TRPM2: variants seen among roughly 807,000 people sequenced by gnomAD.
TRPM2 encodes the protein estrogen-responsive element-associated gene 1 protein.
TRPM2 carries 161 observed loss-of-function variants against 174.0 expected under a neutral mutation model. The ratio of observed to expected loss-of-function variants is 0.93; its 90% confidence interval spans 0.81 to 1.05. The LOEUF is 1.05. TRPM2 is among the 50% of genes least tolerant of loss of function. TRPM2 has a pLI of 0.00. For missense variants in TRPM2, 2,057 were observed against 2,038.0 expected (o/e 1.01, Z -0.18); for synonymous variants, 954 against 861.3 (o/e 1.11, Z -1.88).
intron 22 of TRPM2, among the ~76,000 whole-genome samples, chr21:44,419,641 G>GTAGTGGTGA (rs2050453395): frequency 7.1e-6 from 1 of 140,292 alleles, no homozygotes; most frequent in Non-Finnish European, 1.5e-5. Context: ...GATGGTGGTG[G>GTAGTGGTGA]TGTTGGTGAT....
intron 20 of TRPM2, 23 bp downstream of exon 20, chr21:44,414,097 C>A (rs371382865): frequency 1.7e-6 from 2 of 1,209,880 alleles, no homozygotes; most frequent in East Asian, 3.0e-5. Flanking sequence ...GTGGGGCTGG[C>A]GTGCAGGTGG....
At chr21:44,422,201 A>G (rs1308817459) in intron 22 of TRPM2, 2 of 1,499,494 alleles carry the variant, frequency 1.3e-6, no homozygotes, top group Admixed American at 2.2e-5. Context: ...TGGGAGGCGC[A>G]TGAGTGTGGG....
At chr21:44,418,620 C>T (rs927235631) in intron 22 of TRPM2, 65 bp downstream of exon 22, 3 of 1,590,218 alleles carry the variant, frequency 1.9e-6, no homozygotes, top group Middle Eastern at 1.7e-4. Flanking sequence ...GGTCCACAGG[C>T]ACCATGAGTA....
chr21:44,366,930 CA>C lies in TRPM2; in HGVS notation c.601del (p.Thr201GlnfsTer15). 1 of 1,583,664 alleles carries C rather than the reference CA, an allele frequency of 6.3e-7. No homozygotes were observed. The highest frequency in any genetic ancestry group is 8.6e-7 in the Non-Finnish European group (1 of 1,161,080). On this transcript the variant is annotated frameshift_variant, in exon 4 of 32. Transcript: ENST00000397928. LOFTEE classifies it high-confidence loss of function. The surrounding 1 kb of genome is among the most constrained non-coding windows in gnomAD (Gnocchi z 6.0). ...GAGGCCTGGTCAAGGTGGCTCAGAC[CA>C]CAGGTAACTCGGAGGCTGGAGGGAC... ...RRGLVKVAQTTGAWIITGGSH... is the reference protein window; with the variant it reads ...RRGLVKVAQTXGAWIITGGSH...
intron 5 of TRPM2, among the ~76,000 whole-genome samples, chr21:44,371,656 A>C (rs1043258693): frequency 2.0e-5 from 3 of 152,198 alleles, no homozygotes; most frequent in African/African-American, 7.2e-5. Flanking sequence ...TGATGCCTTC[A>C]TATCCAGATC....
At chr21:44,398,480 C>A (rs530806240) in intron 13 of TRPM2, among the ~76,000 whole-genome samples, 1 of 152,100 alleles carries the variant, frequency 6.6e-6, no homozygotes, top group Admixed American at 6.5e-5. Context: ...GGATTACAGG[C>A]GTGAACCACC....
At position 44,391,155 on chromosome 21, in the gene TRPM2, G is replaced by A; in HGVS notation, c.1441-117G>A. On this transcript the variant is annotated intron_variant, in intron 10 of 31. Coordinates refer to ENST00000397928, the MANE Select transcript of TRPM2 (RefSeq NM_003307.4). The surrounding 1 kb of genome is among the most constrained non-coding windows in gnomAD (Gnocchi z 5.0). ...CCCTTGAGGGTGGGTGACCTGGGCA[G>A]CTTTCATCCTCCCCAGGTTGGGGAC... The A allele has an allele frequency of 6.5e-7, 1 of 1,546,574 alleles. No individual in the cohort carries two copies. The highest frequency in any genetic ancestry group is 8.8e-7 in the Non-Finnish European group (1 of 1,137,780).
upstream of TRPM2, among the ~76,000 whole-genome samples, chr21:44,350,977 G>A (rs999497781): frequency 6.6e-6 from 1 of 152,192 alleles, no homozygotes; most frequent in African/African-American, 2.4e-5. Flanking sequence ...CGAAGCGCTG[G>A]CTTTCACGCG....
chr21:44,399,284 AT>A lies in TRPM2; in HGVS notation c.2063-11del, dbSNP rs765954827. 1 of 1,607,624 alleles carries A rather than the reference AT, an allele frequency of 6.2e-7. No homozygotes were observed. The highest frequency in any genetic ancestry group is 1.7e-5 in the Admixed American group (1 of 59,604). ...CCTGCTGCTCTGACGGGGCTCTCAT[AT>A]CTCCGCCCAGGGGTCTTCACCGAGT... On this transcript the variant is annotated splice_polypyrimidine_tract_variant and intron_variant, in intron 13 of 31. Transcript: ENST00000397928. The surrounding 1 kb of genome is among the most constrained non-coding windows in gnomAD (Gnocchi z 4.6).
intron 19 of TRPM2, among the ~76,000 whole-genome samples, chr21:44,412,276 T>C (rs954216105): frequency 6.6e-6 from 1 of 152,210 alleles, no homozygotes; most frequent in Non-Finnish European, 1.5e-5. Context: ...TCTTTATGTG[T>C]TATAGGTCTA....
At chr21:44,431,178 C>T (rs1478892656) in intron 27 of TRPM2, among the ~76,000 whole-genome samples, 2 of 151,980 alleles carry the variant, frequency 1.3e-5, no homozygotes, top group Non-Finnish European at 2.9e-5. Context: ...ATAAGGGTAC[C>T]TAAGACTGTA....
At chr21:44,370,130 G>C (rs1158911829) in intron 5 of TRPM2, among the ~76,000 whole-genome samples, 1 of 152,128 alleles carries the variant, frequency 6.6e-6, no homozygotes, top group African/African-American at 2.4e-5. Flanking sequence ...TCTCCCTCAA[G>C]GTTGTAAGAG....
At chr21:44,352,927 G>A (rs916470115), upstream of TRPM2, among the ~76,000 whole-genome samples, 2 of 152,232 alleles carry the variant, frequency 1.3e-5, no homozygotes, top group Non-Finnish European at 2.9e-5. Context: ...AGCGGAGGCT[G>A]GTGGATCGCC....
Position 44,391,733 on chromosome 21 carries a change from A to C in TRPM2, c.1794+108A>C. 4 of 1,089,814 alleles carry C rather than the reference A, an allele frequency of 3.7e-6. No individual in the cohort carries two copies. Among genetic ancestry groups the C allele is most frequent in the Non-Finnish European group, 1.3e-6 (1 of 784,992 alleles). The allele number at this position is 1,089,814 out of a possible 1,614,324, so 67.5% of individuals were successfully genotyped here. A position where few individuals can be genotyped will look rare whatever the true frequency, so the allele number is the denominator to read the frequency against. Reference sequence around the variant, plus strand: ...AGCTTTTATTTTTATTAGAAAAGACACATGCTCTATCTTAGGCTGCTTGGG... The same window carrying C: ...AGCTTTTATTTTTATTAGAAAAGACCCATGCTCTATCTTAGGCTGCTTGGG... On this transcript the variant is annotated intron_variant, in intron 11 of 31. Coordinates refer to ENST00000397928, the MANE Select transcript of TRPM2 (RefSeq NM_003307.4). The surrounding 1 kb of genome is among the most constrained non-coding windows in gnomAD (Gnocchi z 5.0).
At chr21:44,403,584 G>GCA (rs971136209) in intron 16 of TRPM2, among the ~76,000 whole-genome samples, 1 of 149,148 alleles carries the variant, frequency 6.7e-6, no homozygotes, top group Non-Finnish European at 1.5e-5. Context: ...ACACATACAT[G>GCA]CACACACATG....
chr21:44,353,947 C>T (rs1031144552), intron 1 of TRPM2, 82 bp downstream of exon 1: 30 of 1,494,458 alleles, frequency 2.0e-5, no homozygotes, highest in South Asian at 1.4e-4. Context: ...GAGGCTGTGA[C>T]GACGGGGGTG....
Position 44,366,336 on chromosome 21 carries a change from G to A in TRPM2, c.424-418G>A, listed in dbSNP as rs1268333369. ...GACAGGAGAGGGGGCAGTGCTGGGT[G>A]CACAAGGACAGAAGGGCAGAGACCC... is the stretch of plus-strand genomic sequence containing the variant. On this transcript the variant is annotated intron_variant, in intron 3 of 31. Transcript: ENST00000397928. The surrounding 1 kb of genome is among the most constrained non-coding windows in gnomAD (Gnocchi z 6.0). 6.6e-6 allele frequency among the ~76,000 whole-genome samples: 1 copy of A among 151,980 alleles called. No individual in the cohort carries two copies. Among genetic ancestry groups the A allele is most frequent in the Non-Finnish European group, 1.5e-5 (1 of 67,976 alleles).
intron 2 of TRPM2, among the ~76,000 whole-genome samples, chr21:44,358,281 C>G (rs1185194035): frequency 6.6e-6 from 1 of 150,412 alleles, no homozygotes; most frequent in African/African-American, 2.5e-5. Flanking sequence ...CAGATGACTT[C>G]TCTTCCCTGG....
chr21:44,404,527 C>T (rs970456683), intron 16 of TRPM2, among the ~76,000 whole-genome samples: 1 of 152,202 alleles, frequency 6.6e-6, no homozygotes, highest in Non-Finnish European at 1.5e-5. Context: ...ATTGTTCCTC[C>T]ACGTCCTGTT....
Sources: allele counts gnomAD v4.1 joint callset (sites outside exome capture counted in the v4.1 genomes callset), GRCh38; gene constraint gnomAD v4.1.1; non-coding constraint Gnocchi (gnomAD v3.1); transcripts MANE v1.5; gene names NCBI Gene and HGNC (gene_info 2026-07-23, HGNC 2026-07-21).